The following KCNH1 variants were observed in gnomAD, a reference collection of about 807,000 sequenced individuals.
KCNH1 encodes potassium voltage-gated channel subfamily H member 1.
In KCNH1, 27 loss-of-function variants were observed where a neutral mutation model predicts 69.2. The observed-to-expected ratio is 0.39, with a 90% CI of 0.29 to 0.54. KCNH1 has a LOEUF of 0.54. Ranked by LOEUF, KCNH1 falls within the 20% of genes least tolerant of loss-of-function variation. KCNH1 has a pLI of 0.68. For missense variants in KCNH1, 798 were observed against 1,261.6 expected (o/e 0.63, Z 5.57); for synonymous variants, 456 against 487.7 (o/e 0.93, Z 0.86).
intron 3 of KCNH1, among the ~76,000 whole-genome samples, chr1:211,100,552 T>C (rs1237288975): frequency 6.6e-6 from 1 of 152,190 alleles, no homozygotes; most frequent in African/African-American, 2.4e-5. Context: ...GGTTTCACCA[T>C]GTTGGCCAGG....
At position 210,775,403 on chromosome 1, in the gene KCNH1, G is replaced by A; in HGVS notation, c.2057C>T (p.Ala686Val). The A allele has an allele frequency of 1.2e-6, 2 of 1,614,108 alleles. No homozygotes were observed. Among genetic ancestry groups the A allele is most frequent in the Non-Finnish European group, 8.5e-7 (1 of 1,179,996 alleles). The change falls in exon 10 of 11, where the codon GCC (alanine) becomes GTC (valine). Residue 686 changes from alanine to valine, a missense_variant. Physicochemically the swap from Ala to Val is moderately conservative, Grantham distance 64 (BLOSUM62 0). Coordinates refer to ENST00000271751, the MANE Select transcript of KCNH1 (RefSeq NM_172362.3). Reference protein sequence around the residue: ...ALQKVLEFYTAFSHSFSRNLI... With the variant: ...ALQKVLEFYTVFSHSFSRNLI... Reference sequence around the variant, plus strand: ...GTTCCGGGAGAAGGAATGGGAGAAGGCCGTGTAGAATTCCAGCACTTTCTG... The same window carrying A: ...GTTCCGGGAGAAGGAATGGGAGAAGACCGTGTAGAATTCCAGCACTTTCTG...
At chr1:210,726,173 A>T (rs1682585740) in intron 10 of KCNH1, among the ~76,000 whole-genome samples, 1 of 152,144 alleles carries the variant, frequency 6.6e-6, no homozygotes, top group Non-Finnish European at 1.5e-5. Context: ...AGAGGCTACA[A>T]ATTGGGGTAA....
chr1:211,090,547 GT>G lies in KCNH1; in HGVS notation c.439+14del. 6.3e-7 allele frequency: 1 copy of G among 1,591,600 alleles called. No individual in the cohort carries two copies. The highest frequency in any genetic ancestry group is 8.5e-7 in the Non-Finnish European group (1 of 1,173,582). On this transcript the variant is annotated intron_variant, in intron 4 of 10. Transcript: ENST00000271751. ...AAAAGGCATAAATGTATTTGTACAA[GT>G]CAGAATTACAAACCTTTACATGAAT...
At chr1:210,901,765 T>C (rs2102536546) in intron 7 of KCNH1, among the ~76,000 whole-genome samples, 1 of 152,354 alleles carries the variant, frequency 6.6e-6, no homozygotes, top group East Asian at 1.9e-4. Flanking sequence ...GGCAAGCCTG[T>C]TGATCTTGAG....
intron 10 of KCNH1, 94 bp downstream of exon 10, chr1:210,775,254 A>T: frequency 9.3e-7 from 1 of 1,069,850 alleles, no homozygotes; most frequent in Non-Finnish European, 1.4e-6. Flanking sequence ...TACTCTACTT[A>T]AATAAACAGC....
chr1:210,953,620 ATCTGTC>A (rs1688105795), intron 6 of KCNH1, among the ~76,000 whole-genome samples: 1 of 152,110 alleles, frequency 6.6e-6, no homozygotes, highest in Non-Finnish European at 1.5e-5. Flanking sequence ...ACCTCCTCCA[ATCTGTC>A]TCCATAAATA....
At chr1:211,114,055 G>A (rs1691523754) in intron 1 of KCNH1, among the ~76,000 whole-genome samples, 1 of 151,984 alleles carries the variant, frequency 6.6e-6, no homozygotes, top group African/African-American at 2.4e-5. Context: ...TTGGGGCAGA[G>A]GTACCAAGTT....
chr1:211,054,735 T>C (rs1031034044), intron 5 of KCNH1, among the ~76,000 whole-genome samples: 12 of 151,940 alleles, frequency 7.9e-5, no homozygotes, highest in South Asian at 4.1e-4. Flanking sequence ...GTTAAAAATA[T>C]ACAAATGTAA....
chr1:211,004,048 C>T (rs914913685), intron 6 of KCNH1, among the ~76,000 whole-genome samples: 5 of 151,998 alleles, frequency 3.3e-5, no homozygotes, highest in African/African-American at 1.2e-4. Context: ...GAGCCTAGAT[C>T]GGGCCACTGC....
chr1:210,813,959 T>C (rs1388245260), intron 7 of KCNH1, among the ~76,000 whole-genome samples: 5 of 152,234 alleles, frequency 3.3e-5, no homozygotes, highest in Admixed American at 2.6e-4. Flanking sequence ...CCATGTAAGA[T>C]GTGCCTTTTG....
chr1:211,051,914 C>G (rs551665471), intron 5 of KCNH1, among the ~76,000 whole-genome samples: 2 of 152,110 alleles, frequency 1.3e-5, no homozygotes, highest in South Asian at 4.2e-4. Flanking sequence ...GGATTCGGGT[C>G]AGTCTGACTC....
At chr1:210,958,425 C>A (rs1574361549) in intron 6 of KCNH1, among the ~76,000 whole-genome samples, 2 of 152,208 alleles carry the variant, frequency 1.3e-5, no homozygotes, top group East Asian at 1.9e-4. Context: ...TTGTGGGGTT[C>A]TCTGTATTTC....
intron 7 of KCNH1, chr1:210,861,860 C>A: frequency 1.3e-6 from 1 of 760,872 alleles, no homozygotes; most frequent in Non-Finnish European, 2.4e-6. Flanking sequence ...ATCCAACAAG[C>A]ACTGTTATCA....
chr1:210,993,953 C>T (rs73073450), intron 6 of KCNH1, among the ~76,000 whole-genome samples: 1 of 148,920 alleles, frequency 6.7e-6, no homozygotes, highest in South Asian at 2.1e-4. Context: ...GGTTTTATGA[C>T]GTTCAAAGAA....
At chr1:210,770,979 A>G (rs771573977) in intron 10 of KCNH1, among the ~76,000 whole-genome samples, 1 of 152,200 alleles carries the variant, frequency 6.6e-6, no homozygotes, top group Non-Finnish European at 1.5e-5. Flanking sequence ...AGTTTATTCC[A>G]TTGAGAAATG....
At chr1:210,748,772 C>A (rs1469853289) in intron 10 of KCNH1, among the ~76,000 whole-genome samples, 1 of 152,224 alleles carries the variant, frequency 6.6e-6, no homozygotes, top group East Asian at 1.9e-4. Flanking sequence ...TCCTCCCTGG[C>A]TGGACTGTCT....
At position 211,033,771 on chromosome 1, in the gene KCNH1, G is replaced by C. The variant is rs994988754; in HGVS notation, c.559-14515C>G. 1.2e-4 allele frequency among the ~76,000 whole-genome samples: 18 copies of C among 152,182 alleles called. No homozygotes were observed. The South Asian group carries it at 2.3e-3, about 19-fold the overall frequency. On this transcript the variant is annotated intron_variant, in intron 5 of 10. Transcript: ENST00000271751. ...ACACACCGGGGCCTGTTGTGGGGTG[G>C]GGGGAGTGGGGAGGGATAGCATTAG...
At chr1:211,017,834 G>A (rs1310419400) in intron 6 of KCNH1, among the ~76,000 whole-genome samples, 5 of 152,146 alleles carry the variant, frequency 3.3e-5, no homozygotes, top group Non-Finnish European at 7.4e-5. Flanking sequence ...AGTTGCTATA[G>A]TTTGAATGTT....
intron 10 of KCNH1, among the ~76,000 whole-genome samples, chr1:210,752,657 G>A (rs1683306759): frequency 1.3e-5 from 2 of 152,114 alleles, no homozygotes. Context: ...GGGAACAGAG[G>A]ATGAGGAGGG....
Sources: allele counts gnomAD v4.1 joint callset (sites outside exome capture counted in the v4.1 genomes callset), GRCh38; gene constraint gnomAD v4.1.1; transcripts MANE v1.5; gene names NCBI Gene and HGNC (gene_info 2026-07-23, HGNC 2026-07-21).